Variants in MGAT4C observed in about 807,000 individuals in gnomAD.
The protein encoded by MGAT4C is MGAT4 family member C.
In MGAT4C, 19 loss-of-function variants were observed where a neutral mutation model predicts 40.1. The ratio of observed to expected loss-of-function variants is 0.47; its 90% confidence interval spans 0.33 to 0.70. The LOEUF (loss-of-function observed/expected upper bound fraction) is 0.70. Ranked by LOEUF, MGAT4C falls within the 30% of genes least tolerant of loss-of-function variation. MGAT4C has a pLI of 0.02. For missense variants in MGAT4C, 491 were observed against 563.2 expected, an observed-to-expected ratio of 0.87 and a Z score of 1.30; for synonymous variants, 181 against 187.1, an observed-to-expected ratio of 0.97 and a Z score of 0.27.
At chr12:86,759,698 A>G (rs1593179684) in intron 1 of MGAT4C, among the ~76,000 whole-genome samples, 1 of 152,074 alleles carries the variant, frequency 6.6e-6, no homozygotes. Context: ...AGAAATGTCT[A>G]TTCAGGTATT....
intron 2 of MGAT4C, among the ~76,000 whole-genome samples, chr12:86,445,267 T>C (rs1030057319): frequency 6.6e-6 from 1 of 152,110 alleles, no homozygotes; most frequent in African/African-American, 2.4e-5. Context: ...TAATCCAATA[T>C]GTAAAGGCAA....
chr12:86,276,099 C>A (rs1953074952), intron 4 of MGAT4C, among the ~76,000 whole-genome samples: 2 of 142,656 alleles, frequency 1.4e-5, no homozygotes. Context: ...GCCTGGGCGA[C>A]AGAGCAAGAC....
intron 2 of MGAT4C, among the ~76,000 whole-genome samples, chr12:86,512,906 T>A (rs2136350217): frequency 6.6e-6 from 1 of 152,264 alleles, no homozygotes; most frequent in South Asian, 2.1e-4. Flanking sequence ...AAATTATTTT[T>A]AAAGGGTAGA....
intron 2 of MGAT4C, among the ~76,000 whole-genome samples, chr12:86,699,337 C>A (rs1454416286): frequency 6.6e-6 from 1 of 152,108 alleles, no homozygotes; most frequent in East Asian, 1.9e-4. Context: ...GTGCAAGAGA[C>A]AATTAGTTCC....
intron 1 of MGAT4C, among the ~76,000 whole-genome samples, chr12:86,802,370 T>C (rs983955400): frequency 6.6e-6 from 1 of 152,002 alleles, no homozygotes; most frequent in African/African-American, 2.4e-5. Context: ...CCTTTTGAGG[T>C]GCTTTAGTTA....
chr12:86,561,737 C>G (rs750752284), intron 2 of MGAT4C, among the ~76,000 whole-genome samples: 19 of 152,114 alleles, frequency 1.2e-4, no homozygotes, highest in Admixed American at 5.2e-4. Context: ...AATAAATTCC[C>G]CTTCATATAT....
At chr12:86,344,744 G>GTT (rs1422787539) in intron 3 of MGAT4C, among the ~76,000 whole-genome samples, 2 of 124,492 alleles carry the variant, frequency 1.6e-5, no homozygotes, top group East Asian at 3.9e-4. Flanking sequence ...GTGTGTGTGT[G>GTT]TGTGTGTGTG....
intron 3 of MGAT4C, among the ~76,000 whole-genome samples, chr12:86,356,312 C>G (rs1955308987): frequency 6.6e-6 from 1 of 152,136 alleles, no homozygotes; most frequent in African/African-American, 2.4e-5. Context: ...CTAACCGTAT[C>G]AATAATTACA....
chr12:86,471,456 C>A (rs921346942), intron 2 of MGAT4C, among the ~76,000 whole-genome samples: 1 of 151,426 alleles, frequency 6.6e-6, no homozygotes, highest in East Asian at 1.9e-4. Context: ...TATTGCAATC[C>A]CTAGGAAAAA....
At chr12:86,475,524 T>G (rs1957820892) in intron 2 of MGAT4C, among the ~76,000 whole-genome samples, 2 of 152,010 alleles carry the variant, frequency 1.3e-5, no homozygotes, top group South Asian at 4.1e-4. Flanking sequence ...GTCATCAATT[T>G]GAAAAGATTT....
At chr12:86,419,033 G>A (rs753191783) in intron 3 of MGAT4C, among the ~76,000 whole-genome samples, 16 of 152,124 alleles carry the variant, frequency 1.1e-4, no homozygotes, top group South Asian at 4.2e-4. Context: ...TGCAAAAGAC[G>A]TTACAGAACA....
intron 2 of MGAT4C, among the ~76,000 whole-genome samples, chr12:86,449,768 A>C (rs578147291): frequency 6.6e-6 from 1 of 152,296 alleles, no homozygotes; most frequent in South Asian, 2.1e-4. Flanking sequence ...TTTTCATTTT[A>C]TGCACTCTCA....
chr12:86,738,985 T>A (rs1414581586), intron 1 of MGAT4C, among the ~76,000 whole-genome samples: 1 of 150,574 alleles, frequency 6.6e-6, no homozygotes, highest in Non-Finnish European at 1.5e-5. Flanking sequence ...AAAGGAAGAT[T>A]TTTGGTGTAG....
chr12:86,388,054 T>C (rs61949479), intron 3 of MGAT4C, among the ~76,000 whole-genome samples: 12,909 of 152,198 alleles, frequency 0.085, 764 homozygotes, highest in Middle Eastern at 0.22. Context: ...TGAAATGTCT[T>C]TCTCTTTTAA....
chr12:86,447,804 G>C (rs1025815905), intron 2 of MGAT4C, among the ~76,000 whole-genome samples: 5 of 152,100 alleles, frequency 3.3e-5, no homozygotes, highest in African/African-American at 9.7e-5. Flanking sequence ...AGCAATGTTT[G>C]CCTACTTAGG....
At chr12:86,513,052 C>T (rs935085189) in intron 2 of MGAT4C, among the ~76,000 whole-genome samples, 11 of 152,026 alleles carry the variant, frequency 7.2e-5, no homozygotes, top group African/African-American at 2.7e-4. Context: ...TCTTATTTCT[C>T]TCAGCAGAAT....
Position 86,538,764 on chromosome 12 carries a change from C to T in MGAT4C, c.-228-103499G>A, listed in dbSNP as rs113539803. On this transcript the variant is annotated intron_variant, in intron 2 of 7. Coordinates refer to the MGAT4C transcript ENST00000548651. ...CTGGGACTACAGGCGCCCGCCACCA[C>T]GCCTGGCTAATTTTTTATATTTTTA... Among the ~76,000 whole-genome samples the T allele has an allele frequency of 3.2e-3, 491 of 151,886 alleles. 2 individuals carry two copies. The highest frequency in any genetic ancestry group is 0.012 in the African/African-American group (477 of 41,456).
intron 1 of MGAT4C, among the ~76,000 whole-genome samples, chr12:86,151,367 C>T (rs955629064): frequency 6.6e-6 from 1 of 152,188 alleles, no homozygotes; most frequent in Non-Finnish European, 1.5e-5. Context: ...AATCCCAGCA[C>T]TTTGGTAGGC....
At chr12:86,814,787 C>G (rs1042301334) in intron 1 of MGAT4C, among the ~76,000 whole-genome samples, 3 of 151,918 alleles carry the variant, frequency 2.0e-5, no homozygotes, top group Admixed American at 6.6e-5. Context: ...CTTACCTTTT[C>G]CACCATTTGA....
Sources: gnomAD v4.1 joint callset for allele counts (sites outside exome capture counted in the v4.1 genomes callset) on GRCh38, gnomAD v4.1.1 for gene constraint, MANE v1.5 for transcripts, NCBI Gene and HGNC (gene_info 2026-07-23, HGNC 2026-07-21) for gene names.